ST6GALNAC3: variants seen among roughly 807,000 people sequenced by gnomAD.
ST6GALNAC3 encodes alpha-N-acetylgalactosaminide alpha-2,6-sialyltransferase 3.
ST6GALNAC3 carries 25 observed loss-of-function variants against 32.7 expected under a neutral mutation model. That is an observed-to-expected ratio of 0.76 (90% CI 0.56 to 1.07). The LOEUF is 1.07. Among genes scored for constraint, ST6GALNAC3 ranks in the 50% least tolerant of loss-of-function variants. The probability of loss-of-function intolerance (pLI) is 0.00; values close to 1 mark genes in which losing one functional copy is unlikely to be tolerated. For synonymous variants in ST6GALNAC3, 129 were observed against 133.1 expected (o/e 0.97, Z 0.21); for missense variants, 355 against 382.4 (o/e 0.93, Z 0.60).
intron 2 of ST6GALNAC3, among the ~76,000 whole-genome samples, chr1:76,350,630 C>T (rs1012942960): frequency 3.3e-5 from 5 of 151,996 alleles, no homozygotes; most frequent in African/African-American, 1.2e-4. Context: ...TAAACTAAGA[C>T]AAGTTGAAAA....
At chr1:76,231,750 C>T (rs1019675448) in intron 1 of ST6GALNAC3, among the ~76,000 whole-genome samples, 3 of 152,144 alleles carry the variant, frequency 2.0e-5, no homozygotes, top group Non-Finnish European at 4.4e-5. Flanking sequence ...TCAGTGGACA[C>T]TTGTGTTGCC....
At chr1:76,157,406 A>G (rs1651524569) in intron 1 of ST6GALNAC3, among the ~76,000 whole-genome samples, 1 of 152,236 alleles carries the variant, frequency 6.6e-6, no homozygotes, top group South Asian at 2.1e-4. Flanking sequence ...CAATTCCAGT[A>G]TACATATGTA....
intron 3 of ST6GALNAC3, among the ~76,000 whole-genome samples, chr1:76,481,025 C>T (rs1401148156): frequency 2.0e-5 from 3 of 152,082 alleles, no homozygotes; most frequent in Non-Finnish European, 2.9e-5. Context: ...CCCTCCTGAC[C>T]TTGCATCATC....
intron 3 of ST6GALNAC3, 43 bp from the exon 4 acceptor site, chr1:76,627,409 G>T: frequency 4.7e-6 from 6 of 1,272,206 alleles, no homozygotes; most frequent in Non-Finnish European, 6.9e-6. Context: ...TGTGTGTTCT[G>T]TGTTTTGTTC....
intron 1 of ST6GALNAC3, among the ~76,000 whole-genome samples, chr1:76,170,218 G>A (rs930780453): frequency 3.3e-5 from 5 of 152,172 alleles, no homozygotes; most frequent in African/African-American, 1.2e-4. Flanking sequence ...TGCGGTGAAG[G>A]GGCCTGAGGT....
At chr1:76,212,298 C>A (rs138871040) in intron 1 of ST6GALNAC3, among the ~76,000 whole-genome samples, 2 of 152,116 alleles carry the variant, frequency 1.3e-5, no homozygotes, top group African/African-American at 4.8e-5. Flanking sequence ...TATAGTGAAA[C>A]GCTTCCAGAC....
intron 2 of ST6GALNAC3, among the ~76,000 whole-genome samples, chr1:76,369,172 T>G (rs1221192307): frequency 1.3e-5 from 2 of 152,110 alleles, no homozygotes; most frequent in Admixed American, 1.3e-4. Flanking sequence ...GCTTTGTTAC[T>G]GGGTCTAAAA....
chr1:76,102,873 ATTTCC>A (rs1267005531), intron 1 of ST6GALNAC3, among the ~76,000 whole-genome samples: 1 of 151,608 alleles, frequency 6.6e-6, no homozygotes, highest in East Asian at 1.9e-4. Flanking sequence ...ATCATTCACT[ATTTCC>A]TTTATTGTAG....
chr1:76,299,247 T>A (rs1660588862), intron 1 of ST6GALNAC3, among the ~76,000 whole-genome samples: 1 of 152,016 alleles, frequency 6.6e-6, no homozygotes, highest in African/African-American at 2.4e-5. Context: ...CTTGCTGCAC[T>A]AGGGCAATAG....
At chr1:76,504,607 C>T (rs978265749) in intron 3 of ST6GALNAC3, among the ~76,000 whole-genome samples, 3 of 152,134 alleles carry the variant, frequency 2.0e-5, no homozygotes, top group Non-Finnish European at 4.4e-5. Context: ...AACTGATGCT[C>T]GAGGAACCTT....
intron 2 of ST6GALNAC3, among the ~76,000 whole-genome samples, chr1:76,358,194 C>T (rs2101043175): frequency 6.6e-6 from 1 of 152,192 alleles, no homozygotes; most frequent in South Asian, 2.1e-4. Context: ...GCCCTATTCT[C>T]AGTTCTGATT....
At chr1:76,521,305 A>G (rs1662519318) in intron 3 of ST6GALNAC3, among the ~76,000 whole-genome samples, 1 of 151,902 alleles carries the variant, frequency 6.6e-6, no homozygotes. Flanking sequence ...ATATACACAC[A>G]CACACGCGCG....
intron 1 of ST6GALNAC3, among the ~76,000 whole-genome samples, chr1:76,245,427 C>T (rs536065117): frequency 2.2e-4 from 34 of 152,148 alleles, no homozygotes; most frequent in African/African-American, 6.5e-4. Flanking sequence ...AGGTCTATCT[C>T]CTTCAGTTCT....
chr1:76,176,726 A>G (rs898536561), intron 1 of ST6GALNAC3, among the ~76,000 whole-genome samples: 6 of 152,206 alleles, frequency 3.9e-5, no homozygotes, highest in Non-Finnish European at 5.9e-5. Context: ...ATAAAATATC[A>G]GTCAAAATAT....
intron 3 of ST6GALNAC3, among the ~76,000 whole-genome samples, chr1:76,573,579 T>G (rs1362657168): frequency 1.3e-5 from 2 of 151,974 alleles, no homozygotes; most frequent in African/African-American, 4.8e-5. Context: ...AAAGGAAAAA[T>G]GTCCTTTTGA....
chr1:76,342,562 TC>T (rs1168044160), intron 2 of ST6GALNAC3, among the ~76,000 whole-genome samples: 5 of 151,922 alleles, frequency 3.3e-5, no homozygotes, highest in South Asian at 2.1e-4. Flanking sequence ...GTTTTTTTTT[TC>T]TTGTAAATTT....
At chr1:76,596,979 T>C (rs1647147439) in intron 3 of ST6GALNAC3, among the ~76,000 whole-genome samples, 1 of 152,224 alleles carries the variant, frequency 6.6e-6, no homozygotes, top group African/African-American at 2.4e-5. Context: ...ACTACTGCTG[T>C]GTTTTCAGAG....
At chr1:76,561,735 G>A (rs187904966) in intron 3 of ST6GALNAC3, among the ~76,000 whole-genome samples, 158 of 152,256 alleles carry the variant, frequency 1.0e-3, no homozygotes, top group African/African-American at 3.5e-3. Flanking sequence ...GTTGGACATA[G>A]AGGCCACACA....
intron 1 of ST6GALNAC3, among the ~76,000 whole-genome samples, chr1:76,279,123 A>G (rs1659350667): frequency 1.3e-5 from 2 of 152,204 alleles, no homozygotes; most frequent in Admixed American, 1.3e-4. Flanking sequence ...CTGAGGAAAC[A>G]GACAGCAGAC....
Sources: gnomAD v4.1 joint callset for allele counts (sites outside exome capture counted in the v4.1 genomes callset) on GRCh38, gnomAD v4.1.1 for gene constraint, MANE v1.5 for transcripts, NCBI Gene and HGNC (gene_info 2026-07-23, HGNC 2026-07-21) for gene names.